The following ARHGAP39 variants were observed in gnomAD, a reference collection of about 807,000 sequenced individuals.
ARHGAP39 encodes Rho GTPase activating protein 39, also known as rho GTPase-activating protein 39.
ARHGAP39 carries 44 observed loss-of-function variants against 106.9 expected under a neutral mutation model. That is an observed-to-expected ratio of 0.41 (90% CI 0.32 to 0.53). The LOEUF is 0.53. ARHGAP39 is among the 20% of genes least tolerant of loss of function. ARHGAP39 has a pLI of 0.21. For missense variants in ARHGAP39, 1,496 were observed against 1,577.3 expected (o/e 0.95, Z 0.87); for synonymous variants, 768 against 693.2 (o/e 1.11, Z -1.69).
Position 144,665,764 on chromosome 8 carries a change from T to C in ARHGAP39, c.-82+19922A>G, listed in dbSNP as rs182394970. Among the ~76,000 whole-genome samples, 282 of 152,362 alleles carry C rather than the reference T, an allele frequency of 1.9e-3. 1 individual carries two copies. Among genetic ancestry groups the C allele is most frequent in the South Asian group, 4.6e-3 (22 of 4,832 alleles). ...CAGAAGATGTATGGAAACGCCTGGA[T>C]GCCCAGGCAGAAGTTTGCTGCAGGG... On this transcript the variant is annotated intron_variant, in intron 1 of 11. Coordinates refer to ENST00000377307, the MANE Select transcript of ARHGAP39 (RefSeq NM_025251.3).
intron 4 of ARHGAP39, among the ~76,000 whole-genome samples, chr8:144,549,174 G>C (rs955525098): frequency 1.3e-5 from 2 of 152,266 alleles, no homozygotes; most frequent in African/African-American, 2.4e-5. Context: ...GCTCTGGGCA[G>C]CACTGCGGGG....
intron 1 of ARHGAP39, among the ~76,000 whole-genome samples, chr8:144,620,960 C>T (rs1359325626): frequency 2.0e-5 from 3 of 152,276 alleles, no homozygotes; most frequent in Non-Finnish European, 2.9e-5. Context: ...CAGGCACAGA[C>T]CCGTCCCTTG....
intron 2 of ARHGAP39, among the ~76,000 whole-genome samples, chr8:144,598,487 A>C (rs558277986): frequency 1.3e-5 from 2 of 152,370 alleles, no homozygotes; most frequent in South Asian, 4.1e-4. Context: ...ACAGACGGGC[A>C]GAAGCAGCCC....
chr8:144,647,215 C>T lies in ARHGAP39; in HGVS notation c.-82+38471G>A, dbSNP rs1821465647. Among the ~76,000 whole-genome samples the T allele has an allele frequency of 6.6e-6, 1 of 152,094 alleles. No homozygotes were observed. The highest frequency in any genetic ancestry group is 1.5e-5 in the Non-Finnish European group (1 of 68,020). ...ATCTCTTGACCTCATGATCCGCGTG[C>T]CTCAGCCTCCCAAACTGCTGGGATT... On this transcript the variant is annotated intron_variant, in intron 1 of 11. Coordinates refer to ENST00000377307, the MANE Select transcript of ARHGAP39 (RefSeq NM_025251.3). The surrounding 1 kb of genome is among the most constrained non-coding windows in gnomAD (Gnocchi z 4.8).
chr8:144,618,210 G>A lies in ARHGAP39; in HGVS notation c.-81-12515C>T, dbSNP rs963681578. On this transcript the variant is annotated intron_variant, in intron 1 of 11. Coordinates refer to ENST00000377307, the MANE Select transcript of ARHGAP39 (RefSeq NM_025251.3). ...CCTGCCTGCATGGCAAAGCCCACCC[G>A]AGCCCAGTGCCCCTTGTCCCCGCCC... is the stretch of plus-strand genomic sequence containing the variant. Among the ~76,000 whole-genome samples the A allele has an allele frequency of 6.6e-4, 100 of 152,330 alleles. 1 individual carries two copies. Among genetic ancestry groups the A allele is most frequent in the Admixed American group, 9.8e-4 (15 of 15,310 alleles).
chr8:144,623,612 C>G (rs568717492), intron 1 of ARHGAP39, among the ~76,000 whole-genome samples: 1 of 152,222 alleles, frequency 6.6e-6, no homozygotes, highest in Non-Finnish European at 1.5e-5. Flanking sequence ...AGGCACCCGA[C>G]GTCTGCAGCG....
chr8:144,660,825 C>CA (rs1225648188), intron 1 of ARHGAP39, among the ~76,000 whole-genome samples: 7 of 151,892 alleles, frequency 4.6e-5, no homozygotes, highest in South Asian at 2.1e-4. Context: ...ACTAAAAATA[C>CA]AAAAAAAACT....
the ARHGAP39 span, among the ~76,000 whole-genome samples, chr8:144,696,328 G>A: frequency 6.8e-6 from 1 of 146,824 alleles, no homozygotes; most frequent in Non-Finnish European, 1.5e-5. Flanking sequence ...TAGTAGAGAC[G>A]GGGTTTCGCC....
chr8:144,694,473 A>G, the ARHGAP39 span, among the ~76,000 whole-genome samples: 2 of 152,212 alleles, frequency 1.3e-5, no homozygotes, highest in Non-Finnish European at 2.9e-5. Context: ...AATTTCAGAA[A>G]TGCTCCTAGA....
intron 1 of ARHGAP39, among the ~76,000 whole-genome samples, chr8:144,673,650 T>G (rs1347502263): frequency 6.6e-6 from 1 of 152,232 alleles, no homozygotes; most frequent in Admixed American, 6.5e-5. Context: ...GGGTGTCGCT[T>G]CACCAGCCAG....
chr8:144,631,353 C>G (rs1821058704), intron 1 of ARHGAP39, among the ~76,000 whole-genome samples: 1 of 152,252 alleles, frequency 6.6e-6, no homozygotes, highest in Non-Finnish European at 1.5e-5. Context: ...GCCCTTCTTT[C>G]TGGAAAGCTG....
At chr8:144,665,285 C>T (rs1442397762) in intron 1 of ARHGAP39, among the ~76,000 whole-genome samples, 2 of 152,176 alleles carry the variant, frequency 1.3e-5, no homozygotes, top group Non-Finnish European at 2.9e-5. Context: ...AAGCATTCCA[C>T]TTTAAAAGGG....
chr8:144,573,939 G>A (rs147381660), intron 3 of ARHGAP39, among the ~76,000 whole-genome samples: 76 of 152,250 alleles, frequency 5.0e-4, no homozygotes, highest in African/African-American at 1.4e-3. Context: ...TTGGGAGGCT[G>A]AGGCAGGCAG....
At chr8:144,640,675 T>C (rs910134968) in intron 1 of ARHGAP39, among the ~76,000 whole-genome samples, 7 of 152,182 alleles carry the variant, frequency 4.6e-5, no homozygotes, top group African/African-American at 1.7e-4. Flanking sequence ...CAACAAAAAA[T>C]GTCACAACAC....
At chr8:144,552,598 A>G (rs1002309480) in intron 4 of ARHGAP39, among the ~76,000 whole-genome samples, 33 of 152,176 alleles carry the variant, frequency 2.2e-4, no homozygotes, top group African/African-American at 7.7e-4. Flanking sequence ...GCTGCCTGCC[A>G]GGGCGACCCC....
intron 1 of ARHGAP39, among the ~76,000 whole-genome samples, chr8:144,662,330 C>T (rs940680056): frequency 7.3e-5 from 11 of 150,364 alleles, no homozygotes; most frequent in South Asian, 4.2e-4. Flanking sequence ...CCCTACTATC[C>T]GCCTTAGAGC....
intron 1 of ARHGAP39, among the ~76,000 whole-genome samples, chr8:144,616,055 G>A (rs1007470186): frequency 3.9e-5 from 6 of 152,238 alleles, no homozygotes; most frequent in Non-Finnish European, 8.8e-5. Context: ...CGGAAAGGAC[G>A]GTGCTGGTTG....
intron 1 of ARHGAP39, among the ~76,000 whole-genome samples, chr8:144,685,127 A>G (rs928065690): frequency 3.6e-5 from 5 of 140,590 alleles, no homozygotes; most frequent in Non-Finnish European, 6.1e-5. Context: ...GCACACTCAC[A>G]CCCATCTAGG....
chr8:144,534,341 C>G, intron 7 of ARHGAP39, 139 bp from the exon 8 acceptor site: 2 of 823,200 alleles, frequency 2.4e-6, no homozygotes, highest in Non-Finnish European at 3.9e-6. Context: ...CCCAGCACAG[C>G]GGGTCCTCAC....
Sources: allele counts gnomAD v4.1 joint callset (sites outside exome capture counted in the v4.1 genomes callset), GRCh38; gene constraint gnomAD v4.1.1; non-coding constraint Gnocchi (gnomAD v3.1); transcripts MANE v1.5; gene names NCBI Gene and HGNC (gene_info 2026-07-23, HGNC 2026-07-21).